The following UNC79 variants were observed in gnomAD, a reference collection of about 807,000 sequenced individuals.
UNC79 encodes the protein protein unc-79 homolog.
In UNC79, 37 loss-of-function variants were observed where a neutral mutation model predicts 283.1. The observed-to-expected ratio is 0.13, with a 90% CI of 0.10 to 0.17. The LOEUF is 0.17. Ranked by LOEUF, UNC79 falls within the 10% of genes least tolerant of loss-of-function variation. The pLI is 1.00. For synonymous variants in UNC79, 1,107 were observed against 1,200.2 expected (o/e 0.92, Z 1.61); for missense variants, 2,272 against 3,211.1 (o/e 0.71, Z 7.07).
intron 1 of UNC79, among the ~76,000 whole-genome samples, chr14:93,419,170 C>CT (rs1230763519): frequency 0.012 from 1,683 of 140,778 alleles, 39 homozygotes; most frequent in African/African-American, 0.037. Context: ...GGCTCCACAC[C>CT]TTTTTTTTTT....
chr14:93,628,549 G>T (rs1308294428), intron 30 of UNC79, among the ~76,000 whole-genome samples: 1 of 152,030 alleles, frequency 6.6e-6, no homozygotes, highest in Non-Finnish European at 1.5e-5. Flanking sequence ...ATGAATTATT[G>T]TCTGTCTCTC....
At chr14:93,431,922 T>C (rs1306135349) in intron 1 of UNC79, among the ~76,000 whole-genome samples, 2 of 152,224 alleles carry the variant, frequency 1.3e-5, no homozygotes, top group Admixed American at 6.5e-5. Context: ...CCGAGTACAC[T>C]TGAGGGCTTG....
intron 1 of UNC79, among the ~76,000 whole-genome samples, chr14:93,436,261 G>A: frequency 6.6e-6 from 1 of 152,128 alleles, no homozygotes; most frequent in East Asian, 1.9e-4. Flanking sequence ...CAAAATGCAT[G>A]CTTTTCAAAT....
intron 44 of UNC79, chr14:93,689,879 G>C: frequency 3.8e-6 from 2 of 532,882 alleles, no homozygotes; most frequent in Non-Finnish European, 6.6e-6. Context: ...GAAGAATGCT[G>C]TGTAATCCTG....
rs866346738 is a variant in UNC79, at chr14:93,666,404, A to T, written c.6636+3690A>T. On this transcript the variant is annotated intron_variant, in intron 40 of 48. Transcript: ENST00000555664. ...CTACATCTAAAACATGTCTAAAGAC[A>T]GCAAGAAAATTTAAAAGAAAAAGGT... 1.3e-4 allele frequency among the ~76,000 whole-genome samples: 20 copies of T among 152,180 alleles called. 1 individual carries two copies. In the South Asian group the frequency reaches 4.1e-3, roughly 31 times the overall value.
At chr14:93,673,141 T>G (rs1165395846) in intron 40 of UNC79, among the ~76,000 whole-genome samples, 6 of 152,222 alleles carry the variant, frequency 3.9e-5, no homozygotes, top group African/African-American at 1.4e-4. Context: ...TCCATTAAAT[T>G]ATTTGTCCTC....
intron 1 of UNC79, among the ~76,000 whole-genome samples, chr14:93,414,979 G>C (rs1457281694): frequency 6.6e-6 from 1 of 152,186 alleles, no homozygotes; most frequent in African/African-American, 2.4e-5. Flanking sequence ...GGGACAATTT[G>C]ACTTCCTCTT....
chr14:93,347,353 G>A (rs746074705), intron 1 of UNC79: 33 of 1,591,808 alleles, frequency 2.1e-5, no homozygotes, highest in South Asian at 5.6e-5. Flanking sequence ...TCCCCGCTTC[G>A]CCCACTCGGG....
In UNC79 at chr14:93,547,712, C is replaced by T. The variant is rs192184526; in HGVS notation, c.1755+5016C>T. 1.2e-4 allele frequency among the ~76,000 whole-genome samples: 18 copies of T among 152,170 alleles called. No individual in the cohort carries two copies. In the East Asian group the frequency reaches 2.7e-3, roughly 23 times the overall value. On this transcript the variant is annotated intron_variant, in intron 14 of 48. Coordinates refer to ENST00000555664, the Ensembl canonical transcript of UNC79. ...ATAAAGACAAAAAGCACAGGAAGGCCAGGAGTAGTGGCTCATGCCTGTAAT... is the reference window on the plus strand; with the variant it reads ...ATAAAGACAAAAAGCACAGGAAGGCTAGGAGTAGTGGCTCATGCCTGTAAT...
At chr14:93,341,632 G>T (rs556499817) in intron 1 of UNC79, among the ~76,000 whole-genome samples, 1 of 151,788 alleles carries the variant, frequency 6.6e-6, no homozygotes, top group African/African-American at 2.4e-5. Context: ...AAATTAGCTG[G>T]GCATGGTGGT....
chr14:93,572,734 TGGA>T, exon 16 of UNC79: 1 of 1,614,178 alleles, frequency 6.2e-7, no homozygotes, highest in Non-Finnish European at 8.5e-7. Context: ...CCTTTCTCAA[TGGA>T]GGAGATGTTT....
chr14:93,407,447 G>A (rs1326689399), intron 1 of UNC79, among the ~76,000 whole-genome samples: 1 of 152,124 alleles, frequency 6.6e-6, no homozygotes, highest in Admixed American at 6.6e-5. Context: ...TTGTGGGGAG[G>A]ACACCCACTT....
At chr14:93,678,013 G>T (rs1180674168) in intron 41 of UNC79, among the ~76,000 whole-genome samples, 1 of 152,106 alleles carries the variant, frequency 6.6e-6, no homozygotes, top group Non-Finnish European at 1.5e-5. Flanking sequence ...GGTCCTCCAG[G>T]TGTTCTCTGT....
intron 42 of UNC79, among the ~76,000 whole-genome samples, chr14:93,685,909 A>G (rs1449383161): frequency 6.6e-6 from 1 of 152,216 alleles, no homozygotes; most frequent in Admixed American, 6.5e-5. Context: ...AAACTTTTCA[A>G]ACACACTTCA....
At chr14:93,463,351 A>C (rs1368597086) in intron 1 of UNC79, among the ~76,000 whole-genome samples, 1 of 152,132 alleles carries the variant, frequency 6.6e-6, no homozygotes, top group East Asian at 1.9e-4. Flanking sequence ...GAGTGGAAGG[A>C]GGAATAGAAA....
At chr14:93,529,178 T>C (rs1191371291) in intron 9 of UNC79, 108 bp from the exon 10 acceptor site, 3 of 1,075,664 alleles carry the variant, frequency 2.8e-6, no homozygotes, top group Non-Finnish European at 4.0e-6. Context: ...TTAATTATAC[T>C]TCCTTTCTAT....
intron 1 of UNC79, among the ~76,000 whole-genome samples, chr14:93,362,909 T>C (rs1250160714): frequency 6.6e-6 from 1 of 152,140 alleles, no homozygotes; most frequent in Non-Finnish European, 1.5e-5. Flanking sequence ...GGTCTATCAA[T>C]CATATTCTTT....
At chr14:93,669,187 T>C (rs897429744) in intron 40 of UNC79, among the ~76,000 whole-genome samples, 2 of 152,280 alleles carry the variant, frequency 1.3e-5, no homozygotes, top group Admixed American at 6.5e-5. Context: ...TTTTCTCTTC[T>C]GGTGGTGGTA....
At chr14:93,452,845 A>G (rs547131884) in intron 1 of UNC79, among the ~76,000 whole-genome samples, 1 of 152,358 alleles carries the variant, frequency 6.6e-6, no homozygotes, top group Admixed American at 6.5e-5. Flanking sequence ...GGGAAACACT[A>G]TAACAATGCT....
Sources: allele counts gnomAD v4.1 joint callset (sites outside exome capture counted in the v4.1 genomes callset), GRCh38; gene constraint gnomAD v4.1.1; transcripts MANE v1.5; gene names NCBI Gene and HGNC (gene_info 2026-07-23, HGNC 2026-07-21).